CTTNBP2: variants seen among roughly 807,000 people sequenced by gnomAD.
CTTNBP2 encodes cortactin-binding protein 2.
In CTTNBP2, 108 loss-of-function variants were observed where a neutral mutation model predicts 156.9. That is an observed-to-expected ratio of 0.69 (90% CI 0.59 to 0.81). The LOEUF (loss-of-function observed/expected upper bound fraction) is 0.81. Among genes scored for constraint, CTTNBP2 ranks in the 30% least tolerant of loss-of-function variants. CTTNBP2 has a pLI of 0.00. For synonymous variants in CTTNBP2, 767 were observed against 751.8 expected (o/e 1.02, Z -0.33); for missense variants, 1,924 against 2,035.4 (o/e 0.95, Z 1.05).
intron 16 of CTTNBP2, among the ~76,000 whole-genome samples, chr7:117,729,965 T>C (rs901043133): frequency 2.6e-5 from 4 of 152,030 alleles, no homozygotes; most frequent in Non-Finnish European, 5.9e-5. Flanking sequence ...GCGGTCAAAA[T>C]GGATGCTGAT....
At position 117,756,550 on chromosome 7, in the gene CTTNBP2, C is replaced by T. The variant is rs1184245385; in HGVS notation, c.3348+5G>A. 2 of 1,609,078 alleles carry T rather than the reference C, an allele frequency of 1.2e-6. No individual in the cohort carries two copies. The highest frequency in any genetic ancestry group is 1.7e-5 in the Admixed American group (1 of 59,996). ...ACAGGTCTCCACCCAGCAGTGTCCACCTACCAGCCTGAGGTAGTTCTGCAT... is the reference window on the plus strand; with the variant it reads ...ACAGGTCTCCACCCAGCAGTGTCCATCTACCAGCCTGAGGTAGTTCTGCAT... On this transcript the variant is annotated splice_donor_5th_base_variant and intron_variant, in intron 12 of 22. Transcript: ENST00000160373.
At chr7:117,786,450 A>C (rs986862135) in intron 4 of CTTNBP2, 1 of 440,402 alleles carries the variant, frequency 2.3e-6, no homozygotes, top group African/African-American at 2.1e-5. Context: ...AACAAACAAA[A>C]AACAGGCCCA....
At chr7:117,861,032 T>C (rs547052884) in intron 2 of CTTNBP2, among the ~76,000 whole-genome samples, 177 bp downstream of exon 2, 2 of 152,276 alleles carry the variant, frequency 1.3e-5, no homozygotes, top group African/African-American at 4.8e-5. Flanking sequence ...CTGACTTCAG[T>C]GTTTGTTTGG....
chr7:117,755,518 T>C (rs1231575455), intron 12 of CTTNBP2: 2 of 469,950 alleles, frequency 4.3e-6, no homozygotes, highest in Non-Finnish European at 8.8e-6. Flanking sequence ...CCTGGCTTCA[T>C]CACTTGCTAG....
At chr7:117,857,572 T>C (rs1260523926) in intron 2 of CTTNBP2, among the ~76,000 whole-genome samples, 1 of 152,214 alleles carries the variant, frequency 6.6e-6, no homozygotes, top group East Asian at 1.9e-4. Flanking sequence ...AAAGAATTTG[T>C]CTCACAACAA....
intron 16 of CTTNBP2, among the ~76,000 whole-genome samples, chr7:117,733,912 A>T (rs1795540664): frequency 6.6e-6 from 1 of 152,228 alleles, no homozygotes; most frequent in Non-Finnish European, 1.5e-5. Flanking sequence ...GGATGAAACC[A>T]GTTTTAGTTA....
intron 17 of CTTNBP2, 66 bp from the exon 18 acceptor site, chr7:117,725,323 G>T: frequency 7.1e-7 from 1 of 1,417,660 alleles, no homozygotes; most frequent in Non-Finnish European, 1.0e-6. Flanking sequence ...ACAATTCCGT[G>T]AAAGGACAGT....
intron 12 of CTTNBP2, among the ~76,000 whole-genome samples, chr7:117,750,966 G>A (rs934672654): frequency 1.3e-5 from 2 of 152,180 alleles, no homozygotes; most frequent in African/African-American, 4.8e-5. Flanking sequence ...TTTATAGTGT[G>A]ACATTTCTGC....
At chr7:117,763,323 A>G (rs1279176396) in intron 9 of CTTNBP2, among the ~76,000 whole-genome samples, 1 of 152,138 alleles carries the variant, frequency 6.6e-6, no homozygotes, top group East Asian at 1.9e-4. Flanking sequence ...CTATTCTACC[A>G]GAGATTTTTT....
At chr7:117,852,298 C>CAAA (rs200498632) in intron 2 of CTTNBP2, among the ~76,000 whole-genome samples, 2 of 86,776 alleles carry the variant, frequency 2.3e-5, no homozygotes, top group African/African-American at 4.3e-5. Context: ...TATACAAAAC[C>CAAA]AAAAAAAAAA....
chr7:117,714,955 C>G (rs183557178), intron 22 of CTTNBP2, among the ~76,000 whole-genome samples: 1 of 152,158 alleles, frequency 6.6e-6, no homozygotes, highest in Non-Finnish European at 1.5e-5. Context: ...AAATGTATAA[C>G]GTTTACTATC....
rs779803428 is a variant in CTTNBP2 at position 117,782,851 on chromosome 7, G to C, written c.2372+11C>G. 1 of 1,597,578 alleles carries C rather than the reference G, an allele frequency of 6.3e-7. No individual in the cohort carries two copies. The highest frequency in any genetic ancestry group is 1.1e-5 in the South Asian group (1 of 89,192). On this transcript the variant is annotated intron_variant, in intron 6 of 22. Coordinates refer to ENST00000160373, the MANE Select transcript of CTTNBP2 (RefSeq NM_033427.3). ...TTGATGGTGGGAAAAAAAGAATTAA[G>C]AGCAACTTACTCGAAATGTCCCTGA...
At chr7:117,760,755 G>GAA in intron 9 of CTTNBP2, 45 bp from the exon 10 acceptor site, 2 of 1,281,342 alleles carry the variant, frequency 1.6e-6, no homozygotes, top group Non-Finnish European at 2.2e-6. Flanking sequence ...AATCTGGACA[G>GAA]AAAAAAAAAG....
chr7:117,813,877 C>T (rs183056898), intron 2 of CTTNBP2, among the ~76,000 whole-genome samples: 85 of 152,298 alleles, frequency 5.6e-4, no homozygotes, highest in Admixed American at 2.3e-3. Flanking sequence ...ATTTTATACC[C>T]TCAATGTGGA....
chr7:117,814,708 G>A (rs1800479222), intron 2 of CTTNBP2, among the ~76,000 whole-genome samples: 1 of 152,186 alleles, frequency 6.6e-6, no homozygotes, highest in Admixed American at 6.5e-5. Flanking sequence ...GATTACAGGA[G>A]TGAGCCTCCG....
chr7:117,760,685 A>G lies in CTTNBP2; in HGVS notation c.2922T>C (p.Ile974=). The G allele has an allele frequency of 6.2e-7, 1 of 1,612,750 alleles. No homozygotes were observed. Among genetic ancestry groups the G allele is most frequent in the Non-Finnish European group, 8.5e-7 (1 of 1,178,926 alleles). ...NLNALKIPLR[I]SVGEIEPSNY... ...TGCTTGGTTCAATCTCACCCACTGA[A>G]ATCCTTAAGGGTATTTTAAGAGCAT... The change falls in exon 10 of 23, where the codon ATT becomes ATC. Residue 974 remains isoleucine (I), a synonymous_variant. Coordinates refer to ENST00000160373, the MANE Select transcript of CTTNBP2 (RefSeq NM_033427.3).
chr7:117,832,910 CTTT>C (rs1296501867), intron 2 of CTTNBP2, among the ~76,000 whole-genome samples: 5 of 71,746 alleles, frequency 7.0e-5, no homozygotes, highest in African/African-American at 4.0e-4. Flanking sequence ...CCACACCCGG[CTTT>C]TTTTTCTTTT....
At chr7:117,847,656 T>C (rs188539687) in intron 2 of CTTNBP2, among the ~76,000 whole-genome samples, 1 of 152,332 alleles carries the variant, frequency 6.6e-6, no homozygotes, top group East Asian at 1.9e-4. Context: ...AGTATATTCA[T>C]AAATTCATAA....
intron 8 of CTTNBP2, among the ~76,000 whole-genome samples, chr7:117,772,226 G>T (rs924157656): frequency 7.2e-5 from 11 of 152,230 alleles, no homozygotes; most frequent in Admixed American, 6.5e-4. Flanking sequence ...GACCACAGCA[G>T]TACTGTGAAT....
Sources: allele counts gnomAD v4.1 joint callset (sites outside exome capture counted in the v4.1 genomes callset), GRCh38; gene constraint gnomAD v4.1.1; transcripts MANE v1.5; gene names NCBI Gene and HGNC (gene_info 2026-07-23, HGNC 2026-07-21).